Variants in LSM3 observed in about 807,000 individuals in gnomAD.
LSM3 encodes the protein U6 snRNA-associated Sm-like protein LSm3.
A neutral mutation model predicts 15.4 loss-of-function variants in LSM3; 14 were observed. That is an observed-to-expected ratio of 0.91 (90% CI 0.60 to 1.42). The LOEUF (loss-of-function observed/expected upper bound fraction) is 1.42, where lower values mean the gene tolerates loss of function less well. Ranked by LOEUF, LSM3 falls within the 40% of genes most tolerant of loss-of-function variation. The pLI is 0.00. For missense variants in LSM3, 88 were observed against 127.9 expected, an observed-to-expected ratio of 0.69 and a Z score of 1.50; for synonymous variants, 46 against 45.1, an observed-to-expected ratio of 1.02 and a Z score of -0.08.
intron 1 of LSM3, 26 bp from the exon 2 acceptor site, chr3:14,181,534 A>G (rs1347348787): frequency 2.8e-6 from 4 of 1,441,606 alleles, no homozygotes; most frequent in African/African-American, 2.8e-5. Context: ...CTAGTACTAC[A>G]TTACTAATCC....
chr3:14,187,527 A>G (rs1033057887), intron 3 of LSM3, among the ~76,000 whole-genome samples: 7 of 152,214 alleles, frequency 4.6e-5, no homozygotes, highest in African/African-American at 1.7e-4. Context: ...GATATTATAG[A>G]GAGTGTCTGC....
chr3:14,200,708 T>C lies in LSM3; in HGVS notation c.*2592T>C, dbSNP rs1443505721. 6.6e-6 allele frequency: 1 copy of C among 152,102 alleles called. No individual in the cohort carries two copies. The highest frequency in any genetic ancestry group is 2.4e-5 in the African/African-American group (1 of 41,434). 9.4% of individuals were successfully genotyped at this position (152,102 alleles called of 1,614,324 possible). On this transcript the variant is annotated 3_prime_UTR_variant, in exon 4 of 4. Transcript: ENST00000306024. ...TGAAAAGTAACTTGAGTATCCCAAG[T>C]TAAACTTAATCATTAGCTGCAAATG...
At chr3:14,180,856 T>A (rs1172342584) in intron 1 of LSM3, among the ~76,000 whole-genome samples, 2 of 79,792 alleles carry the variant, frequency 2.5e-5, no homozygotes, top group African/African-American at 6.2e-5. Flanking sequence ...TTTTTTTTTT[T>A]TAAAAAAAAA....
intron 3 of LSM3, among the ~76,000 whole-genome samples, chr3:14,191,815 T>G (rs1697142764): frequency 6.6e-6 from 1 of 152,210 alleles, no homozygotes; most frequent in African/African-American, 2.4e-5. Context: ...ATTTCATGTC[T>G]TCTTCTAGCT....
intron 1 of LSM3, 47 bp downstream of exon 1, chr3:14,178,928 G>A: frequency 1.2e-6 from 2 of 1,609,448 alleles, no homozygotes; most frequent in Admixed American, 1.7e-5. Context: ...CTTGTACTAG[G>A]CTGCTTTTTC....
chr3:14,195,689 G>A (rs1697181407), intron 3 of LSM3, among the ~76,000 whole-genome samples: 1 of 152,188 alleles, frequency 6.6e-6, no homozygotes, highest in Admixed American at 6.5e-5. Context: ...CCTTGTAGTG[G>A]AGTGTGCCCC....
chr3:14,187,170 C>A (rs1228618276), intron 3 of LSM3, among the ~76,000 whole-genome samples: 1 of 152,186 alleles, frequency 6.6e-6, no homozygotes, highest in African/African-American at 2.4e-5. Flanking sequence ...TGCGGTTCCT[C>A]CTGACACTGT....
chr3:14,187,500 TAGAA>T, intron 3 of LSM3, among the ~76,000 whole-genome samples: 1 of 152,324 alleles, frequency 6.6e-6, no homozygotes, highest in Non-Finnish European at 1.5e-5. Flanking sequence ...ACTATAGACA[TAGAA>T]AGCAAAGACA....
At position 14,185,953 on chromosome 3, in the gene LSM3, A is replaced by C. The variant is rs538069163; in HGVS notation, c.228+1921A>C. Among the ~76,000 whole-genome samples, 11 of 151,726 alleles carry C rather than the reference A, an allele frequency of 7.2e-5. No individual in the cohort carries two copies. In the South Asian group the frequency reaches 1.7e-3, roughly 23 times the overall value. On this transcript the variant is annotated intron_variant, in intron 3 of 3. Coordinates refer to ENST00000306024, the MANE Select transcript of LSM3 (RefSeq NM_014463.3). Reference sequence around the variant, plus strand: ...TTTTTAAAGACAGTCTGACTGTGTCACCCAGGCTGGAGTGCAATGTCAGTC... The same window carrying C: ...TTTTTAAAGACAGTCTGACTGTGTCCCCCAGGCTGGAGTGCAATGTCAGTC...
chr3:14,179,773 A>C (rs1014470969), intron 1 of LSM3, among the ~76,000 whole-genome samples: 1 of 152,234 alleles, frequency 6.6e-6, no homozygotes, highest in African/African-American at 2.4e-5. Flanking sequence ...GATCAGAGGA[A>C]GCCTCTTTGA....
intron 3 of LSM3, among the ~76,000 whole-genome samples, chr3:14,192,003 A>G (rs1041290872): frequency 2.6e-5 from 4 of 152,186 alleles, no homozygotes; most frequent in Non-Finnish European, 5.9e-5. Context: ...TTGGTTTCAA[A>G]GAACATCTTT....
intron 3 of LSM3, among the ~76,000 whole-genome samples, chr3:14,195,949 GTT>G (rs58504064): frequency 7.2e-6 from 1 of 138,500 alleles, no homozygotes; most frequent in Non-Finnish European, 1.6e-5. Flanking sequence ...AGCTTTGTGA[GTT>G]TTTTTTTTTT....
intron 3 of LSM3, among the ~76,000 whole-genome samples, chr3:14,188,638 C>T (rs193183764): frequency 2.0e-5 from 3 of 152,086 alleles, no homozygotes; most frequent in Non-Finnish European, 2.9e-5. Flanking sequence ...TTTTTTATCA[C>T]AGTGCTCTTT....
At chr3:14,182,682 G>C (rs930009851) in intron 2 of LSM3, among the ~76,000 whole-genome samples, 11 of 152,132 alleles carry the variant, frequency 7.2e-5, no homozygotes, top group African/African-American at 2.7e-4. Flanking sequence ...CATTTATTGA[G>C]CATTAATTAT....
intron 3 of LSM3, 47 bp downstream of exon 3, chr3:14,184,079 T>C (rs1467037451): frequency 3.8e-6 from 6 of 1,567,950 alleles, no homozygotes; most frequent in Non-Finnish European, 5.2e-6. Flanking sequence ...TCAGCTGTTC[T>C]CTCTCGAACA....
At chr3:14,191,982 C>A in intron 3 of LSM3, among the ~76,000 whole-genome samples, 1 of 152,132 alleles carries the variant, frequency 6.6e-6, no homozygotes, top group East Asian at 1.9e-4. Context: ...TACGTTGTGT[C>A]TTCATTCTCA....
At chr3:14,189,271 A>G (rs941694019) in intron 3 of LSM3, among the ~76,000 whole-genome samples, 29 of 152,176 alleles carry the variant, frequency 1.9e-4, no homozygotes, top group Non-Finnish European at 2.9e-5. Context: ...ATACATATGT[A>G]TGTGTCTTTA....
intron 3 of LSM3, among the ~76,000 whole-genome samples, chr3:14,194,109 G>T (rs1405476351): frequency 6.6e-6 from 1 of 152,238 alleles, no homozygotes; most frequent in Non-Finnish European, 1.5e-5. Flanking sequence ...AGCAAAGATT[G>T]CTGCCTGTTT....
chr3:14,179,741 T>C (rs1193241652), intron 1 of LSM3, among the ~76,000 whole-genome samples: 1 of 152,218 alleles, frequency 6.6e-6, no homozygotes, highest in Non-Finnish European at 1.5e-5. Context: ...ACTCAAAAAA[T>C]ATTTGAGTGA....
Sources: gnomAD v4.1 joint callset for allele counts (sites outside exome capture counted in the v4.1 genomes callset) on GRCh38, gnomAD v4.1.1 for gene constraint, MANE v1.5 for transcripts, NCBI Gene and HGNC (gene_info 2026-07-23, HGNC 2026-07-21) for gene names.